OXR1: variants seen among roughly 807,000 people sequenced by gnomAD.
OXR1 encodes the protein oxidation resistance 1.
A neutral mutation model predicts 104.6 loss-of-function variants in OXR1; 41 were observed. The ratio of observed to expected loss-of-function variants is 0.39; its 90% CI spans 0.31 to 0.51. The LOEUF (loss-of-function observed/expected upper bound fraction) is 0.51, where lower values mean the gene tolerates loss of function less well. Ranked by LOEUF, OXR1 falls within the 20% of genes least tolerant of loss-of-function variation. The probability of loss-of-function intolerance (pLI) is 0.77; values close to 1 mark genes in which losing one functional copy is unlikely to be tolerated. For missense variants in OXR1, 955 were observed against 1,031.9 expected, an observed-to-expected ratio of 0.93 and a Z score of 1.02; for synonymous variants, 348 against 348.4, an observed-to-expected ratio of 1.00 and a Z score of 0.01.
At chr8:106,694,655 T>C (rs1829699992) in intron 7 of OXR1, among the ~76,000 whole-genome samples, 1 of 111,640 alleles carries the variant, frequency 9.0e-6, no homozygotes, top group Non-Finnish European at 1.6e-5. Context: ...ATATATTTGA[T>C]ATATAAATAT....
intron 3 of OXR1, among the ~76,000 whole-genome samples, chr8:106,646,519 C>T (rs188194062): frequency 1.3e-5 from 2 of 152,018 alleles, no homozygotes; most frequent in Admixed American, 1.3e-4. Flanking sequence ...CTTAATATAC[C>T]ACAAAACAAA....
At chr8:106,368,905 G>T (rs997294459) in intron 2 of OXR1, among the ~76,000 whole-genome samples, 2 of 152,100 alleles carry the variant, frequency 1.3e-5, no homozygotes, top group Non-Finnish European at 2.9e-5. Flanking sequence ...ATATTACTTT[G>T]GGTATATACC....
Position 106,325,261 on chromosome 8 carries a change from G to T in OXR1, c.-138-34215G>T, listed in dbSNP as rs145486700. ...TATTCTGCTAACAGTATAAAGACTT[G>T]GCTGTCTTTACTTTGCTATTATTCT... is the stretch of plus-strand genomic sequence containing the variant. On this transcript the variant is annotated intron_variant, in intron 1 of 16. Transcript: ENST00000517566. Among the ~76,000 whole-genome samples the T allele has an allele frequency of 3.0e-3, 456 of 152,102 alleles. 1 individual carries two copies. Among genetic ancestry groups the T allele is most frequent in the African/African-American group, 0.011 (438 of 41,522 alleles).
chr8:106,683,343 C>A (rs1828366920), intron 5 of OXR1, 37 bp downstream of exon 5: 3 of 966,854 alleles, frequency 3.1e-6, no homozygotes, highest in African/African-American at 1.6e-5. Context: ...TGTTTAGAAA[C>A]ATTAAACAGA....
chr8:106,659,523 A>G (rs1205412469), intron 3 of OXR1, among the ~76,000 whole-genome samples: 2 of 152,246 alleles, frequency 1.3e-5, no homozygotes, highest in Non-Finnish European at 1.5e-5. Flanking sequence ...GGGACCAGGC[A>G]TAGGAAAGGG....
At chr8:106,363,307 A>C (rs2130350762) in intron 2 of OXR1, among the ~76,000 whole-genome samples, 1 of 152,324 alleles carries the variant, frequency 6.6e-6, no homozygotes, top group South Asian at 2.1e-4. Context: ...AAAAGATAAA[A>C]GGTACGTGCA....
At chr8:106,308,987 GT>G (rs200198130) in intron 1 of OXR1, among the ~76,000 whole-genome samples, 1 of 140,768 alleles carries the variant, frequency 7.1e-6, no homozygotes, top group Admixed American at 7.0e-5. Flanking sequence ...TTTTTTTTTT[GT>G]TTTTTTTTGA....
chr8:106,316,701 C>CTA lies in OXR1; in HGVS notation c.-138-42773_-138-42772dup, dbSNP rs1223113518. ...TTTTTCTCTCTTTTTTTCTATCTAT[C>CTA]TATCTATCTATCTATCATCTATCTA... On this transcript the variant is annotated intron_variant, in intron 1 of 16. Transcript: ENST00000517566. Among the ~76,000 whole-genome samples, 125 of 102,152 alleles carry CTA rather than the reference C, an allele frequency of 1.2e-3. 1 individual carries two copies. The highest frequency in any genetic ancestry group is 4.3e-4 in the Admixed American group (4 of 9,232). 67.0% of individuals were successfully genotyped at this position (102,152 alleles called of 152,430 possible).
At chr8:106,622,897 A>G (rs1364196035) in intron 3 of OXR1, among the ~76,000 whole-genome samples, 1 of 152,226 alleles carries the variant, frequency 6.6e-6, no homozygotes, top group Admixed American at 6.5e-5. Flanking sequence ...AATACGTAGA[A>G]TGTCTTCAAA....
intron 3 of OXR1, among the ~76,000 whole-genome samples, chr8:106,621,464 A>G (rs1821692011): frequency 6.6e-6 from 1 of 152,058 alleles, no homozygotes; most frequent in Non-Finnish European, 1.5e-5. Context: ...AAAAAACAAA[A>G]ACAAAAATGA....
intron 1 of OXR1, among the ~76,000 whole-genome samples, chr8:106,326,204 C>G (rs141157477): frequency 6.6e-6 from 1 of 152,180 alleles, no homozygotes; most frequent in Non-Finnish European, 1.5e-5. Flanking sequence ...ACCTCTCACT[C>G]GTCCAAGAAG....
chr8:106,425,376 A>G (rs1819073668), intron 2 of OXR1, among the ~76,000 whole-genome samples: 2 of 152,120 alleles, frequency 1.3e-5, no homozygotes. Flanking sequence ...AAAACTAAAA[A>G]TTAAACAGAT....
intron 2 of OXR1, among the ~76,000 whole-genome samples, chr8:106,401,275 G>A (rs541710165): frequency 6.6e-5 from 10 of 152,252 alleles, no homozygotes; most frequent in African/African-American, 2.2e-4. Context: ...CTGTAGTGGT[G>A]CAGCTGTCTG....
chr8:106,562,547 T>G (rs1404796376), intron 3 of OXR1, among the ~76,000 whole-genome samples: 1 of 152,094 alleles, frequency 6.6e-6, no homozygotes, highest in Non-Finnish European at 1.5e-5. Flanking sequence ...AAAACAGACT[T>G]CAGGATATTA....
At position 106,713,926 on chromosome 8, in the gene OXR1, A is replaced by T. The variant is rs746610686; in HGVS notation, c.1897A>T (p.Ile633Phe). Residue 633 changes from isoleucine (I) to phenylalanine (F), a missense_variant, in exon 11 of 17, where the codon ATT becomes TTT. This residue lies in a region of OXR1 where 849 missense variants were observed against 852.9 expected (regional missense o/e 1.00). Transcript: ENST00000517566. ...REPGFIVVKK[I>F]EESETIEDSS... ...ACCTGGATTTATAGTAGTAAAAAAG[A>T]TTGAGGAGTCTGAAACAATTGAGGA... The T allele has an allele frequency of 2.0e-5, 32 of 1,597,670 alleles. No homozygotes were observed. The East Asian group carries it at 7.2e-4, about 36-fold the overall frequency.
rs145360627 is a variant in OXR1 at position 106,574,857 on chromosome 8, T to A, written c.220+55718T>A. Among the ~76,000 whole-genome samples the A allele has an allele frequency of 4.7e-4, 72 of 152,352 alleles. 1 individual carries two copies. The East Asian group carries it at 0.012, about 25-fold the overall frequency. On this transcript the variant is annotated intron_variant, in intron 3 of 16. Coordinates refer to ENST00000517566, the MANE Select transcript of OXR1 (RefSeq NM_001198533.2). ...ACTCTTTACTTCTGATGTTTTTGAA[T>A]GCCCATTTTTAAAAAGTTTGGGAAA...
intron 3 of OXR1, among the ~76,000 whole-genome samples, chr8:106,557,615 C>T (rs1816380980): frequency 6.6e-6 from 1 of 151,482 alleles, no homozygotes; most frequent in African/African-American, 2.4e-5. Context: ...TCCTAGATTC[C>T]ACATGTTGAA....
intron 6 of OXR1, among the ~76,000 whole-genome samples, chr8:106,691,909 T>C (rs7828777): frequency 2.0e-4 from 30 of 150,586 alleles, no homozygotes; most frequent in African/African-American, 6.1e-4. Context: ...ATTTGTCAAG[T>C]TATTGAACTT....
chr8:106,575,483 G>C (rs1296073977), intron 3 of OXR1, among the ~76,000 whole-genome samples: 1 of 151,958 alleles, frequency 6.6e-6, no homozygotes, highest in Admixed American at 6.6e-5. Flanking sequence ...GGTTTCACAT[G>C]TACCAGCAAT....
Sources: allele counts gnomAD v4.1 joint callset (sites outside exome capture counted in the v4.1 genomes callset), GRCh38; gene constraint gnomAD v4.1.1; regional missense constraint gnomAD v4.1.1; transcripts MANE v1.5; gene names NCBI Gene and HGNC (gene_info 2026-07-23, HGNC 2026-07-21).